The following SP140L variants were observed in gnomAD, a reference collection of about 807,000 sequenced individuals.
The protein encoded by SP140L is nuclear body protein SP140-like protein.
SP140L carries 64 observed loss-of-function variants against 84.3 expected under a neutral mutation model. The ratio of observed to expected loss-of-function variants is 0.76; its 90% confidence interval spans 0.62 to 0.94. The LOEUF (loss-of-function observed/expected upper bound fraction) is 0.94. Among genes scored for constraint, SP140L ranks in the 40% least tolerant of loss-of-function variants. The pLI, the probability that SP140L is intolerant of heterozygous loss-of-function variation, is 0.00. For missense variants in SP140L, 628 were observed against 692.5 expected (o/e 0.91, Z 1.05); for synonymous variants, 242 against 236.9 (o/e 1.02, Z -0.20).
At chr2:230,377,734 G>A (rs573653242) in intron 7 of SP140L, among the ~76,000 whole-genome samples, 33 of 152,264 alleles carry the variant, frequency 2.2e-4, no homozygotes, top group Admixed American at 7.2e-4. Context: ...TTTTCAAAAT[G>A]ATTATGCCCT....
intron 18 of SP140L, among the ~76,000 whole-genome samples, chr2:230,402,010 C>A (rs1486615321): frequency 5.3e-5 from 8 of 152,186 alleles, no homozygotes; most frequent in Non-Finnish European, 1.2e-4. Flanking sequence ...CAACCAGAAC[C>A]CCAGGTCTCT....
chr2:230,352,052 C>T (rs1368962735), intron 2 of SP140L, among the ~76,000 whole-genome samples: 1 of 152,070 alleles, frequency 6.6e-6, no homozygotes, highest in Non-Finnish European at 1.5e-5. Flanking sequence ...TAATTGGGAG[C>T]ATTTTATATA....
intron 2 of SP140L, among the ~76,000 whole-genome samples, chr2:230,340,310 C>A (rs1179860813): frequency 2.0e-5 from 3 of 147,292 alleles, no homozygotes; most frequent in African/African-American, 7.5e-5. Context: ...ACTAGGGTTG[C>A]AACCCCTGCC....
chr2:230,352,840 A>G (rs1307464190), intron 2 of SP140L, among the ~76,000 whole-genome samples: 2 of 150,170 alleles, frequency 1.3e-5, no homozygotes, highest in East Asian at 3.9e-4. Flanking sequence ...TTGTATACAC[A>G]CATGCACACA....
At position 230,385,049 on chromosome 2, in the gene SP140L, G is replaced by T. The variant is rs930702276; in HGVS notation, c.704-175G>T. Among the ~76,000 whole-genome samples, 32 of 152,142 alleles carry T rather than the reference G, an allele frequency of 2.1e-4. 1 individual carries two copies. The highest frequency in any genetic ancestry group is 1.5e-5 in the Non-Finnish European group (1 of 68,036). ...ACATTCTAAGAGACTTCAATGTACG[G>T]TTAAATTCTGTGTGTAATTTAGAAG... is the stretch of plus-strand genomic sequence containing the variant. On this transcript the variant is annotated intron_variant, in intron 8 of 18. Coordinates refer to ENST00000415673, the MANE Select transcript of SP140L (RefSeq NM_138402.6).
chr2:230,363,954 C>T (rs1270238273), intron 5 of SP140L, among the ~76,000 whole-genome samples: 1 of 152,076 alleles, frequency 6.6e-6, no homozygotes, highest in Non-Finnish European at 1.5e-5. Context: ...GTTCTTGGCA[C>T]CTTTGTTGAA....
chr2:230,366,101 T>C (rs924248505), intron 5 of SP140L, among the ~76,000 whole-genome samples: 2 of 152,190 alleles, frequency 1.3e-5, no homozygotes, highest in East Asian at 3.8e-4. Flanking sequence ...TCCTGTAGAA[T>C]AGAATGTTCT....
intron 7 of SP140L, among the ~76,000 whole-genome samples, chr2:230,376,793 G>A (rs1432001184): frequency 6.6e-6 from 1 of 151,944 alleles, no homozygotes; most frequent in East Asian, 1.9e-4. Flanking sequence ...AACAAACCTG[G>A]AGGCATCACA....
chr2:230,395,783 A>T (rs1221162789), intron 13 of SP140L, among the ~76,000 whole-genome samples: 1 of 152,208 alleles, frequency 6.6e-6, no homozygotes, highest in Non-Finnish European at 1.5e-5. Context: ...CCAGAAGGGA[A>T]AGGTGCCAAC....
intron 2 of SP140L, among the ~76,000 whole-genome samples, chr2:230,333,458 C>A (rs1268577859): frequency 6.6e-6 from 1 of 152,052 alleles, no homozygotes; most frequent in African/African-American, 2.4e-5. Context: ...GCGCCCGACC[C>A]CCATTCTGAT....
chr2:230,399,314 T>A lies in SP140L; in HGVS notation c.1198-813T>A, dbSNP rs375299510. On this transcript the variant is annotated intron_variant, in intron 14 of 18. Transcript: ENST00000415673. ...TAAATCTTGCTAAAGGTCTCACATA[T>A]TGAGACTTGTGAGAAATGGAGAATT... Among the ~76,000 whole-genome samples the A allele has an allele frequency of 9.9e-5, 15 of 152,254 alleles. No individual in the cohort carries two copies. In the East Asian group the frequency reaches 2.7e-3, roughly 27 times the overall value.
intron 9 of SP140L, among the ~76,000 whole-genome samples, chr2:230,387,153 GC>G (rs1277873973): frequency 6.6e-6 from 1 of 152,202 alleles, no homozygotes; most frequent in African/African-American, 2.4e-5. Context: ...GCAAGATGGA[GC>G]AAAAAGATTA....
At chr2:230,380,009 T>G (rs559088121) in intron 7 of SP140L, among the ~76,000 whole-genome samples, 3 of 152,304 alleles carry the variant, frequency 2.0e-5, no homozygotes, top group African/African-American at 7.2e-5. Flanking sequence ...TTTCTATCTG[T>G]ATTAGCCCAT....
At chr2:230,346,471 C>T (rs1009271006) in intron 2 of SP140L, among the ~76,000 whole-genome samples, 1 of 152,104 alleles carries the variant, frequency 6.6e-6, no homozygotes, top group African/African-American at 2.4e-5. Context: ...AATTGACTTT[C>T]TGCTCATTTT....
chr2:230,401,732 G>C lies in SP140L; in HGVS notation c.1569G>C (p.Glu523Asp), dbSNP rs1213154536. Residue 523 changes from glutamate to aspartate, a missense_variant, in exon 18 of 19, where the codon GAG becomes GAC. Physicochemically the swap from Glu to Asp is conservative, Grantham distance 45. Coordinates refer to ENST00000415673, the MANE Select transcript of SP140L (RefSeq NM_138402.6). Reference protein sequence around the residue: ...WLDKIKKRLNEHGYPQVEGFV... With the variant: ...WLDKIKKRLNDHGYPQVEGFV... The stretch of plus-strand genomic sequence containing the variant: ...ATAAAATCAAGAAAAGGCTGAATGA[G>C]CACGGTTACCCCCAAGTGGAGGGGT... The C allele has an allele frequency of 6.5e-7, 1 of 1,537,908 alleles. No homozygotes were observed. Among genetic ancestry groups the C allele is most frequent in the Non-Finnish European group, 8.9e-7 (1 of 1,127,758 alleles).
intron 18 of SP140L, among the ~76,000 whole-genome samples, chr2:230,402,278 T>C (rs374022852): frequency 1.4e-4 from 21 of 152,212 alleles, no homozygotes; most frequent in African/African-American, 5.1e-4. Context: ...ACCCTTCCAC[T>C]ATCTGAATTG....
intron 7 of SP140L, among the ~76,000 whole-genome samples, chr2:230,380,854 G>A (rs1007012370): frequency 1.3e-5 from 2 of 152,102 alleles, no homozygotes; most frequent in Non-Finnish European, 2.9e-5. Flanking sequence ...TGAATATACT[G>A]AATTTTGTTT....
chr2:230,390,028 G>A lies in SP140L; in HGVS notation c.964+5G>A, dbSNP rs1214926515. ...ATAAGGAGAAATTGGAACAAGGTGG[G>A]TTTCATAGTCTTCTTTAATTTGCAG... On this transcript the variant is annotated splice_donor_5th_base_variant and intron_variant, in intron 11 of 18. Transcript: ENST00000415673. 1.2e-6 allele frequency: 2 copies of A among 1,609,010 alleles called. No homozygotes were observed. The highest frequency in any genetic ancestry group is 2.2e-5 in the East Asian group (1 of 44,802).
At chr2:230,393,345 G>T in intron 12 of SP140L, 69 bp from the exon 13 acceptor site, 1 of 1,502,178 alleles carries the variant, frequency 6.7e-7, no homozygotes, top group Non-Finnish European at 8.9e-7. Flanking sequence ...TTGGGAAGAG[G>T]TTGGAAATGC....
Sources: gnomAD v4.1 joint callset for allele counts (sites outside exome capture counted in the v4.1 genomes callset) on GRCh38, gnomAD v4.1.1 for gene constraint, MANE v1.5 for transcripts, NCBI Gene and HGNC (gene_info 2026-07-23, HGNC 2026-07-21) for gene names.